Variants in PLCL1 observed in about 807,000 individuals in gnomAD.
PLCL1 encodes the protein inactive phospholipase C-like protein 1.
A neutral mutation model predicts 84.4 loss-of-function variants in PLCL1; 41 were observed. The observed-to-expected ratio is 0.49, with a 90% CI of 0.38 to 0.63. The LOEUF is 0.63. PLCL1 is among the 30% of genes least tolerant of loss of function. The pLI is 0.00. For missense variants in PLCL1, 1,206 were observed against 1,367.8 expected (o/e 0.88, Z 1.87); for synonymous variants, 490 against 488.3 (o/e 1.00, Z -0.05).
In PLCL1 at chr2:198,087,914, G is replaced by A. The variant is rs1198925450; in HGVS notation, c.2716-944G>A. On this transcript the variant is annotated intron_variant, in intron 2 of 5. Transcript: ENST00000428675. ...TTCATGTGCAGAACCACAAACCCAC[G>A]GCACAGTTAAATACTTGTGGTAGGT... Among the ~76,000 whole-genome samples the A allele has an allele frequency of 2.0e-5, 3 of 152,018 alleles. No homozygotes were observed. The East Asian group carries it at 5.8e-4, about 29-fold the overall frequency.
intron 5 of PLCL1, among the ~76,000 whole-genome samples, chr2:198,125,889 G>A (rs559735394): frequency 7.2e-5 from 11 of 152,228 alleles, no homozygotes; most frequent in African/African-American, 2.2e-4. Context: ...CTAGTAGACC[G>A]AGCAGAATGC....
chr2:198,028,703 T>C (rs1269136594), intron 1 of PLCL1, among the ~76,000 whole-genome samples: 1 of 152,102 alleles, frequency 6.6e-6, no homozygotes, highest in Non-Finnish European at 1.5e-5. Context: ...GGGAGAAGGG[T>C]ATTTATTGCC....
intron 5 of PLCL1, among the ~76,000 whole-genome samples, chr2:198,111,116 G>T (rs1693610197): frequency 6.6e-6 from 1 of 151,772 alleles, no homozygotes; most frequent in Non-Finnish European, 1.5e-5. Flanking sequence ...CTATGCTCTT[G>T]TATCAGTTGG....
intron 5 of PLCL1, among the ~76,000 whole-genome samples, chr2:198,123,302 G>A (rs1286404982): frequency 2.0e-5 from 3 of 152,010 alleles, no homozygotes; most frequent in East Asian, 3.9e-4. Flanking sequence ...AACATTAGGA[G>A]GGGTTGACTG....
intron 1 of PLCL1, among the ~76,000 whole-genome samples, chr2:197,979,879 C>G (rs952453069): frequency 2.6e-5 from 4 of 152,166 alleles, no homozygotes; most frequent in African/African-American, 4.8e-5. Flanking sequence ...GAGAGCAGCC[C>G]CCTTTCTGTG....
intron 1 of PLCL1, among the ~76,000 whole-genome samples, chr2:197,924,457 C>G (rs574090139): frequency 1.3e-5 from 2 of 152,110 alleles, no homozygotes; most frequent in Non-Finnish European, 2.9e-5. Context: ...TGTGGTAAAT[C>G]TTAGTAACAA....
intron 1 of PLCL1, among the ~76,000 whole-genome samples, chr2:198,072,362 T>C (rs1692483490): frequency 6.6e-6 from 1 of 151,850 alleles, no homozygotes; most frequent in Non-Finnish European, 1.5e-5. Context: ...CTGGTTTTAA[T>C]AAGTTTTTCA....
chr2:198,020,759 A>G lies in PLCL1; in HGVS notation c.241-62999A>G, dbSNP rs1335411319. On this transcript the variant is annotated intron_variant, in intron 1 of 5. Transcript: ENST00000428675. ...CCAGATTCATAAAGCAAGTTCTTAG[A>G]GGCCTACAAAGAGACTTAGCCTCCC... is the stretch of plus-strand genomic sequence containing the variant. 2.0e-5 allele frequency among the ~76,000 whole-genome samples: 3 copies of G among 152,274 alleles called. No homozygotes were observed. The East Asian group carries it at 5.8e-4, about 29-fold the overall frequency.
At chr2:198,047,597 A>G (rs1392221828) in intron 1 of PLCL1, among the ~76,000 whole-genome samples, 1 of 152,188 alleles carries the variant, frequency 6.6e-6, no homozygotes, top group Non-Finnish European at 1.5e-5. Context: ...GGATTAAAAC[A>G]TGTTGAAAAT....
At chr2:197,992,353 C>T (rs1690362588) in intron 1 of PLCL1, among the ~76,000 whole-genome samples, 1 of 152,060 alleles carries the variant, frequency 6.6e-6, no homozygotes, top group African/African-American at 2.4e-5. Context: ...CAGCCTTGAC[C>T]TCATGCGCTC....
At chr2:198,127,010 GT>G (rs201000602) in intron 5 of PLCL1, among the ~76,000 whole-genome samples, 4,629 of 60,812 alleles carry the variant, frequency 0.076, 131 homozygotes, top group East Asian at 0.31. Flanking sequence ...GTGTGTGTGT[GT>G]GGGGGGTGGT....
chr2:198,067,275 G>A (rs1692345786), intron 1 of PLCL1, among the ~76,000 whole-genome samples: 1 of 151,578 alleles, frequency 6.6e-6, no homozygotes, highest in African/African-American at 2.4e-5. Flanking sequence ...TTATAAGTGT[G>A]CACCACCACA....
In PLCL1 at chr2:197,983,401, T is replaced by TA. The variant is rs1690158839; in HGVS notation, c.241-100351dup. On this transcript the variant is annotated intron_variant, in intron 1 of 5. Coordinates refer to ENST00000428675, the MANE Select transcript of PLCL1 (RefSeq NM_006226.4). ...TGTACCACCACGCTTGGCTAATTTT[T>TA]AAAAAACTTTTTGTAGAGACGGAGT... Among the ~76,000 whole-genome samples, 7 of 151,902 alleles carry TA rather than the reference T, an allele frequency of 4.6e-5. No homozygotes were observed. The South Asian group carries it at 1.5e-3, about 32-fold the overall frequency.
At chr2:197,929,052 T>G (rs1279327013) in intron 1 of PLCL1, among the ~76,000 whole-genome samples, 5 of 152,208 alleles carry the variant, frequency 3.3e-5, no homozygotes. Context: ...TAAATGAGAT[T>G]CTGTGATTGC....
intron 1 of PLCL1, among the ~76,000 whole-genome samples, chr2:197,979,549 C>G (rs1690061339): frequency 6.6e-6 from 1 of 152,228 alleles, no homozygotes; most frequent in Non-Finnish European, 1.5e-5. Flanking sequence ...GAAGAATCAT[C>G]TCTGGTGGGG....
intron 1 of PLCL1, among the ~76,000 whole-genome samples, chr2:197,984,857 G>C (rs1690189014): frequency 1.3e-5 from 2 of 151,950 alleles, no homozygotes; most frequent in Non-Finnish European, 2.9e-5. Context: ...ATAGTGAATG[G>C]AATTTAGCCC....
chr2:198,024,740 G>T (rs908838746), intron 1 of PLCL1, among the ~76,000 whole-genome samples: 9 of 149,230 alleles, frequency 6.0e-5, no homozygotes, highest in Admixed American at 3.4e-4. Flanking sequence ...TCCAGCTTTG[G>T]CAACAAGAGC....
intron 1 of PLCL1, among the ~76,000 whole-genome samples, chr2:198,052,070 C>T (rs374640920): frequency 2.6e-5 from 4 of 152,282 alleles, no homozygotes; most frequent in Non-Finnish European, 5.9e-5. Flanking sequence ...CCACCATGCC[C>T]GGCTAATTTT....
chr2:198,043,279 T>C (rs1691707971), intron 1 of PLCL1, among the ~76,000 whole-genome samples: 2 of 152,302 alleles, frequency 1.3e-5, no homozygotes, highest in Middle Eastern at 6.8e-3. Context: ...AAATGTGTAA[T>C]GTTGGAGAAA....
Sources: gnomAD v4.1 joint callset for allele counts (sites outside exome capture counted in the v4.1 genomes callset) on GRCh38, gnomAD v4.1.1 for gene constraint, MANE v1.5 for transcripts, NCBI Gene and HGNC (gene_info 2026-07-23, HGNC 2026-07-21) for gene names.